NHS: variants seen among roughly 807,000 people sequenced by gnomAD.
NHS encodes the protein actin remodeling regulator NHS.
A neutral mutation model predicts 72.5 loss-of-function variants in NHS; 5 were observed. The observed-to-expected ratio is 0.07, with a 90% CI of 0.04 to 0.14. The LOEUF is 0.14. NHS is among the 10% of genes least tolerant of loss of function. The probability of loss-of-function intolerance (pLI) is 1.00; values close to 1 mark genes in which losing one functional copy is unlikely to be tolerated. For synonymous variants in NHS, 464 were observed against 547.7 expected (o/e 0.85, Z 2.13); for missense variants, 1,072 against 1,355.7 (o/e 0.79, Z 3.29).
chrX:17,623,178 A>G (rs1281724322), intron 1 of NHS, among the ~76,000 whole-genome samples: 1 of 111,587 alleles, frequency 9.0e-6, no homozygotes, highest in Non-Finnish European at 1.9e-5. Context: ...GGCTCAAGCA[A>G]TCCTCCTGCC....
At chrX:17,613,052 AT>A (rs757375859) in intron 1 of NHS, among the ~76,000 whole-genome samples, 1 of 108,738 alleles carries the variant, frequency 9.2e-6, no homozygotes, top group South Asian at 4.0e-4. Flanking sequence ...CATAGTCATG[AT>A]GCAGTAATGA....
At chrX:17,605,757 G>T (rs2065675483) in intron 1 of NHS, among the ~76,000 whole-genome samples, 1 of 111,263 alleles carries the variant, frequency 9.0e-6, no homozygotes, top group Non-Finnish European at 1.9e-5. Context: ...ATGAGCAGGG[G>T]CTAGCCGGCC....
intron 1 of NHS, among the ~76,000 whole-genome samples, chrX:17,615,121 C>T (rs1601801721): frequency 1.1e-5 from 1 of 94,917 alleles, no homozygotes; most frequent in African/African-American, 3.9e-5. Flanking sequence ...TATATATACA[C>T]ACATATACAT....
At chrX:17,498,427 G>A (rs188224484) in intron 1 of NHS, among the ~76,000 whole-genome samples, 7 of 111,698 alleles carry the variant, frequency 6.3e-5, no homozygotes, top group Admixed American at 5.7e-4. Context: ...AGTAGGAACC[G>A]TTCTCACAAA....
chrX:17,708,087 G>T (rs925693273), intron 3 of NHS, among the ~76,000 whole-genome samples: 3 of 111,817 alleles, frequency 2.7e-5, no homozygotes, highest in Non-Finnish European at 3.8e-5. Flanking sequence ...TCCAAATTAA[G>T]TCTTTCTTGC....
At chrX:17,543,569 T>A (rs770342538) in intron 1 of NHS, among the ~76,000 whole-genome samples, 2 of 112,433 alleles carry the variant, frequency 1.8e-5, no homozygotes, top group African/African-American at 6.5e-5. Flanking sequence ...CATTGTCTGC[T>A]TCTCTTGTAC....
chrX:17,620,901 G>A (rs994545091), intron 1 of NHS, among the ~76,000 whole-genome samples: 4 of 111,452 alleles, frequency 3.6e-5, no homozygotes, highest in African/African-American at 1.3e-4. Context: ...GAAGGAAGGA[G>A]TTGGGGTGAG....
At chrX:17,536,358 A>C (rs780814758) in intron 1 of NHS, among the ~76,000 whole-genome samples, 58 of 111,915 alleles carry the variant, frequency 5.2e-4, no homozygotes, top group African/African-American at 1.9e-3. Context: ...CCGTCTCAAA[A>C]AAACAAACAA....
intron 1 of NHS, among the ~76,000 whole-genome samples, chrX:17,608,591 C>G (rs1215608116): frequency 9.0e-6 from 1 of 111,575 alleles, no homozygotes; most frequent in East Asian, 2.8e-4. Flanking sequence ...ACTCTCAGGC[C>G]TGGCTTCCCA....
At chrX:17,423,433 A>G (rs1038929592) in intron 1 of NHS, among the ~76,000 whole-genome samples, 10 of 111,505 alleles carry the variant, frequency 9.0e-5, no homozygotes, top group Admixed American at 1.9e-4. Flanking sequence ...CCCTAACCAG[A>G]CAGTCCAGTG....
chrX:17,637,337 C>T (rs897878828), intron 1 of NHS, among the ~76,000 whole-genome samples: 5 of 111,920 alleles, frequency 4.5e-5, no homozygotes, highest in African/African-American at 1.6e-4. Flanking sequence ...CCAGTTTTCC[C>T]TCAAGACTTG....
At chrX:17,570,270 G>A (rs1177382024) in intron 1 of NHS, among the ~76,000 whole-genome samples, 19 of 111,997 alleles carry the variant, frequency 1.7e-4, no homozygotes, top group Non-Finnish European at 1.1e-4. Flanking sequence ...CAGTAAGGCC[G>A]TTTTCACAAT....
intron 1 of NHS, among the ~76,000 whole-genome samples, chrX:17,531,968 C>T (rs1358969065): frequency 1.8e-5 from 2 of 111,340 alleles, no homozygotes; most frequent in Non-Finnish European, 3.8e-5. Context: ...ATGCGTGTCT[C>T]TCCTGCTAGA....
intron 1 of NHS, among the ~76,000 whole-genome samples, chrX:17,425,568 A>AAAAAAAAAAAAAAAAAAAAAAG (rs2064651928): frequency 1.3e-5 from 1 of 77,082 alleles, no homozygotes; most frequent in Non-Finnish European, 2.3e-5. Flanking sequence ...AAAAAAAAAA[A>AAAAAAAAAAAAAAAAAAAAAAG]AAAGAAAGAA....
chrX:17,449,336 T>C (rs919498492), intron 1 of NHS, among the ~76,000 whole-genome samples: 4 of 112,755 alleles, frequency 3.5e-5, no homozygotes, highest in African/African-American at 9.7e-5. Flanking sequence ...GAGTGTAGCA[T>C]GTTGATGTGT....
intron 3 of NHS, among the ~76,000 whole-genome samples, chrX:17,715,517 C>T (rs1457002437): frequency 4.4e-5 from 5 of 112,747 alleles, no homozygotes; most frequent in African/African-American, 1.6e-4. Context: ...TCATACATGA[C>T]TTCGTTTCCT....
intron 1 of NHS, among the ~76,000 whole-genome samples, chrX:17,432,848 A>T (rs116320321): frequency 0.047 from 5,276 of 111,094 alleles, 349 homozygotes; most frequent in African/African-American, 0.16. Flanking sequence ...TTGTTTTCCT[A>T]AAGGAAGTGA....
At chrX:17,685,808 A>G (rs962248591) in intron 1 of NHS, among the ~76,000 whole-genome samples, 4 of 111,815 alleles carry the variant, frequency 3.6e-5, no homozygotes, top group African/African-American at 9.8e-5. Context: ...TCCCTAGGGA[A>G]CTGTATAATA....
intron 1 of NHS, among the ~76,000 whole-genome samples, chrX:17,456,036 G>A (rs1315733795): frequency 8.9e-6 from 1 of 111,893 alleles, no homozygotes; most frequent in Non-Finnish European, 1.9e-5. Flanking sequence ...GGGGCTGTGA[G>A]GTGCATTTTA....
Sources: allele counts gnomAD v4.1 joint callset (sites outside exome capture counted in the v4.1 genomes callset), GRCh38; gene constraint gnomAD v4.1.1; transcripts MANE v1.5; gene names NCBI Gene and HGNC (gene_info 2026-07-23, HGNC 2026-07-21).